Variants in MAML3 observed in about 807,000 individuals in gnomAD.
MAML3 encodes the protein mastermind-like protein 3.
In MAML3, 27 loss-of-function variants were observed where a neutral mutation model predicts 101.9. The ratio of observed to expected loss-of-function variants is 0.27; its 90% CI spans 0.20 to 0.37. The LOEUF (loss-of-function observed/expected upper bound fraction) is 0.37. Ranked by LOEUF, MAML3 falls within the 10% of genes least tolerant of loss-of-function variation. The pLI, the probability that MAML3 is intolerant of heterozygous loss-of-function variation, is 1.00. For missense variants in MAML3, 1,316 were observed against 1,444.9 expected, an observed-to-expected ratio of 0.91 and a Z score of 1.45; for synonymous variants, 501 against 555.9, an observed-to-expected ratio of 0.90 and a Z score of 1.39.
intron 1 of MAML3, among the ~76,000 whole-genome samples, chr4:140,040,946 G>A (rs751183990): frequency 6.6e-6 from 1 of 152,018 alleles, no homozygotes; most frequent in Non-Finnish European, 1.5e-5. Context: ...TATTTAGCGA[G>A]TGTCTGACCC....
At chr4:140,020,849 T>C (rs1726722544) in intron 1 of MAML3, among the ~76,000 whole-genome samples, 1 of 152,192 alleles carries the variant, frequency 6.6e-6, no homozygotes, top group Admixed American at 6.5e-5. Flanking sequence ...AATCTTTCAC[T>C]AGAGTCAGCT....
At chr4:139,895,207 T>C (rs541016212) in intron 1 of MAML3, among the ~76,000 whole-genome samples, 2 of 152,316 alleles carry the variant, frequency 1.3e-5, no homozygotes, top group East Asian at 3.9e-4. Flanking sequence ...GCACTGGCTC[T>C]GGAGTTAGAA....
chr4:139,798,933 T>G (rs1473766780), intron 2 of MAML3, among the ~76,000 whole-genome samples: 1 of 152,270 alleles, frequency 6.6e-6, no homozygotes, highest in East Asian at 1.9e-4. Flanking sequence ...TTTGTAATTT[T>G]AAATATCTTA....
intron 1 of MAML3, among the ~76,000 whole-genome samples, chr4:140,041,179 G>A (rs936646022): frequency 6.6e-5 from 10 of 152,038 alleles, no homozygotes; most frequent in African/African-American, 2.4e-4. Context: ...ATTTTTGAGA[G>A]GTAAATTACA....
intron 2 of MAML3, among the ~76,000 whole-genome samples, chr4:139,760,353 T>A (rs1174161739): frequency 2.6e-5 from 4 of 152,252 alleles, no homozygotes; most frequent in East Asian, 3.9e-4. Context: ...AAGTTCAGGA[T>A]GGGAGGCAGG....
intron 1 of MAML3, among the ~76,000 whole-genome samples, chr4:139,943,891 G>C (rs1237075276): frequency 2.9e-5 from 1 of 34,628 alleles, no homozygotes; most frequent in African/African-American, 1.8e-4. Flanking sequence ...TTTTTTTTGA[G>C]ACGGAATCTT....
chr4:139,744,631 T>C (rs1199017255), intron 2 of MAML3, among the ~76,000 whole-genome samples: 2 of 151,802 alleles, frequency 1.3e-5, no homozygotes, highest in Non-Finnish European at 2.9e-5. Context: ...GCTCAAGGAG[T>C]CTGCACAGGC....
chr4:139,824,249 C>G (rs1463879619), intron 2 of MAML3, among the ~76,000 whole-genome samples: 1 of 152,218 alleles, frequency 6.6e-6, no homozygotes, highest in African/African-American at 2.4e-5. Flanking sequence ...TTGCCACTAA[C>G]TGCAATCAGA....
intron 1 of MAML3, among the ~76,000 whole-genome samples, chr4:140,116,143 C>T (rs980188272): frequency 1.3e-5 from 2 of 152,086 alleles, no homozygotes; most frequent in Admixed American, 1.3e-4. Flanking sequence ...ATGTCCTTCC[C>T]ATGCCTGCTT....
rs1730287369 is a variant in MAML3, at chr4:139,785,409, A to G, written c.2080-54742T>C. On this transcript the variant is annotated intron_variant, in intron 2 of 4. Coordinates refer to ENST00000509479, the MANE Select transcript of MAML3 (RefSeq NM_018717.5). The surrounding 1 kb of genome is among the most constrained non-coding windows in gnomAD (Gnocchi z 4.3). The stretch of plus-strand genomic sequence containing the variant: ...GGAAGGGCTGTGAAGGAGGAATATA[A>G]TGGTTCCCTATGCTTGCTCTGGGAT... 6.6e-6 allele frequency among the ~76,000 whole-genome samples: 1 copy of G among 152,206 alleles called. No individual in the cohort carries two copies. The highest frequency in any genetic ancestry group is 2.1e-4 in the South Asian group (1 of 4,836).
intron 2 of MAML3, among the ~76,000 whole-genome samples, chr4:139,798,675 G>A (rs1212730850): frequency 6.6e-6 from 1 of 152,156 alleles, no homozygotes; most frequent in Non-Finnish European, 1.5e-5. Flanking sequence ...AGGTAAAACA[G>A]GTCAGGGCCA....
intron 1 of MAML3, among the ~76,000 whole-genome samples, chr4:140,048,485 A>T (rs890075819): frequency 6.6e-6 from 1 of 152,210 alleles, no homozygotes; most frequent in African/African-American, 2.4e-5. Flanking sequence ...TGCCTTCACT[A>T]GGTTTATTAC....
chr4:140,139,375 A>C (rs969441895), intron 1 of MAML3, among the ~76,000 whole-genome samples: 2 of 151,612 alleles, frequency 1.3e-5, no homozygotes, highest in Non-Finnish European at 1.5e-5. Flanking sequence ...GGTCTGAAAC[A>C]CTCACTTTTT....
chr4:140,060,788 T>A (rs1190601674), intron 1 of MAML3, among the ~76,000 whole-genome samples: 5 of 152,220 alleles, frequency 3.3e-5, no homozygotes, highest in African/African-American at 1.2e-4. Flanking sequence ...ATTTTGTTAT[T>A]CATATAAAAG....
intron 1 of MAML3, among the ~76,000 whole-genome samples, chr4:139,985,603 C>T (rs1004484286): frequency 6.6e-6 from 1 of 152,172 alleles, no homozygotes; most frequent in African/African-American, 2.4e-5. Context: ...TGTCATTTAG[C>T]TAAGTAGCCC....
intron 2 of MAML3, among the ~76,000 whole-genome samples, chr4:139,831,739 C>T (rs909308490): frequency 2.0e-5 from 3 of 151,982 alleles, no homozygotes; most frequent in African/African-American, 7.2e-5. Flanking sequence ...TTAAACCGAA[C>T]ATGATATCCT....
At chr4:139,929,786 G>A (rs1215548831) in intron 1 of MAML3, among the ~76,000 whole-genome samples, 1 of 152,190 alleles carries the variant, frequency 6.6e-6, no homozygotes, top group African/African-American at 2.4e-5. Context: ...GTGTTCATGT[G>A]TTTGCAGGAT....
intron 2 of MAML3, chr4:139,794,199 C>A (rs533960741): frequency 2.6e-5 from 4 of 152,144 alleles, no homozygotes; most frequent in Non-Finnish European, 5.9e-5. Context: ...ATAAGATGAA[C>A]CAGAACACCA....
intron 1 of MAML3, among the ~76,000 whole-genome samples, chr4:139,997,753 GT>G (rs927949007): frequency 2.5e-4 from 36 of 146,224 alleles, no homozygotes; most frequent in Non-Finnish European, 3.0e-4. Flanking sequence ...TTCTGTTTTT[GT>G]TTTTTTTTTA....
Sources: gnomAD v4.1 joint callset for allele counts (sites outside exome capture counted in the v4.1 genomes callset) on GRCh38, gnomAD v4.1.1 for gene constraint, Gnocchi (gnomAD v3.1) non-coding constraint, MANE v1.5 for transcripts, NCBI Gene and HGNC (gene_info 2026-07-23, HGNC 2026-07-21) for gene names.